Variants in RNF38 observed in about 807,000 individuals in gnomAD.
The protein encoded by RNF38 is ring finger protein 38.
Under a neutral mutation model 67.2 loss-of-function variants are expected in RNF38, and 15 were observed. That is an observed-to-expected ratio of 0.22 (90% CI 0.15 to 0.34). The LOEUF (loss-of-function observed/expected upper bound fraction) is 0.34. Among genes scored for constraint, RNF38 ranks in the 10% least tolerant of loss-of-function variants. RNF38 has a pLI of 1.00. For missense variants in RNF38, 524 were observed against 639.9 expected (o/e 0.82, Z 1.95); for synonymous variants, 220 against 218.8 (o/e 1.01, Z -0.05).
chr9:36,480,629 G>A (rs1171073688), intron 1 of RNF38, among the ~76,000 whole-genome samples: 2 of 133,832 alleles, frequency 1.5e-5, no homozygotes, highest in Non-Finnish European at 3.0e-5. Context: ...TCAACTCACT[G>A]CAATCTCCGC....
chr9:36,435,689 G>A (rs937498110), intron 1 of RNF38, among the ~76,000 whole-genome samples: 3 of 151,522 alleles, frequency 2.0e-5, no homozygotes, highest in Admixed American at 6.6e-5. Flanking sequence ...GAGTGCAGTG[G>A]CGCGATCTCG....
At chr9:36,477,831 A>AG (rs1840156449) in intron 1 of RNF38, among the ~76,000 whole-genome samples, 2 of 147,552 alleles carry the variant, frequency 1.4e-5, no homozygotes, top group African/African-American at 2.6e-5. Context: ...CAAAAAAAAA[A>AG]AAAAAGAAAG....
chr9:36,457,622 A>T (rs1034927859), intron 1 of RNF38, among the ~76,000 whole-genome samples: 3 of 152,162 alleles, frequency 2.0e-5, no homozygotes, highest in African/African-American at 7.2e-5. Context: ...TAAGTTTATC[A>T]GGGGACTGGG....
intron 1 of RNF38, among the ~76,000 whole-genome samples, chr9:36,478,187 C>T (rs1054010115): frequency 4.6e-5 from 7 of 151,776 alleles, no homozygotes; most frequent in Admixed American, 1.3e-4. Context: ...GTAATCCCAG[C>T]ACTTTGGGAG....
At chr9:36,398,954 A>C (rs1431850339) in intron 1 of RNF38, among the ~76,000 whole-genome samples, 1 of 152,170 alleles carries the variant, frequency 6.6e-6, no homozygotes, top group Non-Finnish European at 1.5e-5. Context: ...AGCCTCAAAA[A>C]AAGAAAGTGA....
upstream of RNF38, chr9:36,401,240 C>A (rs1838017125): frequency 2.1e-5 from 21 of 984,092 alleles, no homozygotes; most frequent in Non-Finnish European, 2.5e-5. Flanking sequence ...CGGCCCGGCG[C>A]ACGACTCGGA....
At chr9:36,393,743 G>C (rs1176858754) in intron 1 of RNF38, among the ~76,000 whole-genome samples, 1 of 152,124 alleles carries the variant, frequency 6.6e-6, no homozygotes, top group African/African-American at 2.4e-5. Context: ...GGGTGAGCCT[G>C]GGCATGACTT....
At chr9:36,385,027 G>A (rs947933578) in intron 2 of RNF38, among the ~76,000 whole-genome samples, 7 of 152,124 alleles carry the variant, frequency 4.6e-5, no homozygotes, top group African/African-American at 1.2e-4. Context: ...AACTACATGC[G>A]AAGTTGCCGA....
At chr9:36,422,284 C>A (rs916959445) in intron 2 of RNF38, among the ~76,000 whole-genome samples, 1 of 151,816 alleles carries the variant, frequency 6.6e-6, no homozygotes, top group Non-Finnish European at 1.5e-5. Flanking sequence ...ATTAGCTGGC[C>A]GTGGTGGCAC....
intron 1 of RNF38, among the ~76,000 whole-genome samples, chr9:36,397,835 C>G (rs1837653644): frequency 6.6e-6 from 1 of 152,086 alleles, no homozygotes; most frequent in Non-Finnish European, 1.5e-5. Context: ...GATTTTTCTC[C>G]CCTCAAAGAA....
At chr9:36,474,290 G>A (rs1840073837) in intron 1 of RNF38, among the ~76,000 whole-genome samples, 1 of 148,752 alleles carries the variant, frequency 6.7e-6, no homozygotes, top group African/African-American at 2.5e-5. Context: ...TCCAGCCTGG[G>A]CGACAGAGCA....
chr9:36,349,230 AAC>A (rs1833521155), intron 9 of RNF38, among the ~76,000 whole-genome samples: 1 of 152,250 alleles, frequency 6.6e-6, no homozygotes, highest in Non-Finnish European at 1.5e-5. Context: ...CCTGCCTGCT[AAC>A]ACAACATTCA....
intron 1 of RNF38, among the ~76,000 whole-genome samples, chr9:36,425,488 A>G (rs1212573128): frequency 6.6e-6 from 1 of 152,126 alleles, no homozygotes; most frequent in Non-Finnish European, 1.5e-5. Flanking sequence ...GAGGTTAGGA[A>G]TTTGAGACCA....
chr9:36,379,964 T>C (rs1172614573), intron 2 of RNF38, among the ~76,000 whole-genome samples: 1 of 152,212 alleles, frequency 6.6e-6, no homozygotes, highest in Non-Finnish European at 1.5e-5. Flanking sequence ...ACACATGCTC[T>C]TGGTTCTGCA....
intron 1 of RNF38, among the ~76,000 whole-genome samples, chr9:36,447,768 T>G (rs1839343212): frequency 6.6e-6 from 1 of 152,220 alleles, no homozygotes. Flanking sequence ...TCTCTCAAAC[T>G]CAATGACCTT....
intron 1 of RNF38, among the ~76,000 whole-genome samples, chr9:36,434,851 C>T (rs909764428): frequency 6.6e-6 from 1 of 152,202 alleles, no homozygotes; most frequent in Non-Finnish European, 1.5e-5. Flanking sequence ...TTGCCTTATA[C>T]ATTATATCCC....
chr9:36,375,471 C>T (rs146877807), intron 3 of RNF38, among the ~76,000 whole-genome samples: 1 of 152,276 alleles, frequency 6.6e-6, no homozygotes, highest in Non-Finnish European at 1.5e-5. Context: ...CGATTATAGG[C>T]ATGAGCTACT....
At chr9:36,375,826 G>A in intron 3 of RNF38, 108 bp downstream of exon 3, 1 of 966,898 alleles carries the variant, frequency 1.0e-6, no homozygotes, top group South Asian at 1.6e-5. Context: ...GTGTATATGT[G>A]GTGATGTGTT....
chr9:36,347,231 ATC>A (rs1446076815), intron 9 of RNF38, among the ~76,000 whole-genome samples: 3 of 151,028 alleles, frequency 2.0e-5, no homozygotes, highest in Non-Finnish European at 4.4e-5. Context: ...GATCTTTTAT[ATC>A]TCTTAGTACA....
Sources: gnomAD v4.1 joint callset for allele counts (sites outside exome capture counted in the v4.1 genomes callset) on GRCh38, gnomAD v4.1.1 for gene constraint, MANE v1.5 for transcripts, NCBI Gene and HGNC (gene_info 2026-07-23, HGNC 2026-07-21) for gene names.